The following UBE2V2 variants were observed in gnomAD, a reference collection of about 807,000 sequenced individuals.
UBE2V2 encodes the protein ubiquitin conjugating enzyme E2 V2, also known as ubiquitin-conjugating enzyme E2 variant 2.
A neutral mutation model predicts 17.2 loss-of-function variants in UBE2V2; 9 were observed. The observed-to-expected ratio is 0.52, with a 90% CI of 0.32 to 0.91. UBE2V2 has a LOEUF of 0.91. Ranked by LOEUF, UBE2V2 falls within the 40% of genes least tolerant of loss-of-function variation. The pLI is 0.04. For missense variants in UBE2V2, 133 were observed against 182.6 expected (o/e 0.73, Z 1.56); for synonymous variants, 61 against 57.5 (o/e 1.06, Z -0.28).
chr8:48,023,887 C>CA (rs1024109076), intron 1 of UBE2V2, among the ~76,000 whole-genome samples: 10 of 151,662 alleles, frequency 6.6e-5, no homozygotes, highest in African/African-American at 1.5e-4. Flanking sequence ...AAAAAACAAA[C>CA]AAAAAAAATC....
chr8:48,016,148 C>T (rs1028881694), intron 1 of UBE2V2, among the ~76,000 whole-genome samples: 5 of 152,142 alleles, frequency 3.3e-5, no homozygotes, highest in Admixed American at 6.6e-5. Context: ...CCATCTGCCT[C>T]GGCCTCCCAA....
rs896262993 is a variant in UBE2V2, at chr8:48,061,412, T to C, written c.*584T>C. The C allele has an allele frequency of 1.3e-5, 2 of 152,764 alleles. No homozygotes were observed. Among genetic ancestry groups the C allele is most frequent in the African/African-American group, 2.4e-5 (1 of 41,584 alleles). 9.5% of individuals were successfully genotyped at this position (152,764 alleles called of 1,614,324 possible). On this transcript the variant is annotated 3_prime_UTR_variant, in exon 4 of 4. Transcript: ENST00000523111. Reference sequence around the variant, plus strand: ...TTAAAAGCTGTTCTTGTGTGTTACATGTAACAGACATGGTAAATATTTGTT... The same window carrying C: ...TTAAAAGCTGTTCTTGTGTGTTACACGTAACAGACATGGTAAATATTTGTT...
At chr8:48,046,710 C>T (rs1196749797) in intron 2 of UBE2V2, among the ~76,000 whole-genome samples, 2 of 152,188 alleles carry the variant, frequency 1.3e-5, no homozygotes, top group African/African-American at 4.8e-5. Context: ...AATCCTCCCA[C>T]CTTAGCCTTC....
At chr8:48,033,276 T>G (rs2091396646) in intron 1 of UBE2V2, among the ~76,000 whole-genome samples, 2 of 151,992 alleles carry the variant, frequency 1.3e-5, no homozygotes. Context: ...AACCTCTGCC[T>G]CCCAGGTTCA....
intron 3 of UBE2V2, among the ~76,000 whole-genome samples, chr8:48,051,739 A>G (rs2091540065): frequency 6.6e-6 from 1 of 152,006 alleles, no homozygotes; most frequent in Non-Finnish European, 1.5e-5. Flanking sequence ...CCAACCTAAT[A>G]CGCAGGTCTG....
chr8:48,022,834 A>G (rs2091314884), intron 1 of UBE2V2, among the ~76,000 whole-genome samples: 1 of 151,336 alleles, frequency 6.6e-6, no homozygotes, highest in South Asian at 2.1e-4. Context: ...AAAGAGAGAC[A>G]AGGTCTGTTG....
At chr8:48,011,036 A>G (rs1376015982) in intron 1 of UBE2V2, among the ~76,000 whole-genome samples, 2 of 151,346 alleles carry the variant, frequency 1.3e-5, no homozygotes, top group Non-Finnish European at 2.9e-5. Flanking sequence ...CAGCCTATTA[A>G]TTAGTTTTAA....
chr8:48,035,631 T>TTTTGTGTG lies in UBE2V2; in HGVS notation c.17-7401_17-7400insTTGTGTGT, dbSNP rs1554657539. On this transcript the variant is annotated intron_variant, in intron 1 of 3. Transcript: ENST00000523111. ...TTTAAAAATTATTGTTTTTTTTTTT[T>TTTTGTGTG]TGTGTGTGTGTGTGTGTGTGTGTGT... Among the ~76,000 whole-genome samples, 22 of 109,538 alleles carry TTTTGTGTG rather than the reference T, an allele frequency of 2.0e-4. No homozygotes were observed. The South Asian group carries it at 4.9e-3, about 25-fold the overall frequency. 71.9% of individuals were successfully genotyped at this position (109,538 alleles called of 152,430 possible).
chr8:48,040,371 A>G (rs2065968105), intron 1 of UBE2V2, among the ~76,000 whole-genome samples: 1 of 152,100 alleles, frequency 6.6e-6, no homozygotes, highest in South Asian at 2.1e-4. Context: ...TTTCACCACT[A>G]CTGTTCTTTA....
At chr8:48,010,012 C>T (rs892718820) in intron 1 of UBE2V2, among the ~76,000 whole-genome samples, 4 of 152,074 alleles carry the variant, frequency 2.6e-5, no homozygotes, top group Non-Finnish European at 1.5e-5. Flanking sequence ...TAAAATAATG[C>T]ATTTTAATTT....
chr8:48,005,914 C>T (rs117701579), upstream of UBE2V2, among the ~76,000 whole-genome samples: 730 of 152,226 alleles, frequency 4.8e-3, 13 homozygotes, highest in East Asian at 0.064. Context: ...TATATATTGG[C>T]CCTTTGTCAG....
chr8:47,999,307 A>T, the UBE2V2 span, among the ~76,000 whole-genome samples: 2 of 151,940 alleles, frequency 1.3e-5, no homozygotes, highest in Admixed American at 6.6e-5. Flanking sequence ...TATCAAGTGG[A>T]CCATCCAGAG....
intron 2 of UBE2V2, among the ~76,000 whole-genome samples, chr8:48,048,908 A>C (rs1378800250): frequency 6.6e-6 from 1 of 151,980 alleles, no homozygotes; most frequent in Non-Finnish European, 1.5e-5. Flanking sequence ...TAGAAAATTT[A>C]AAGTTTCAAT....
chr8:48,000,391 C>T, the UBE2V2 span, among the ~76,000 whole-genome samples: 2 of 152,196 alleles, frequency 1.3e-5, no homozygotes, highest in African/African-American at 2.4e-5. Context: ...CTTGCCGAAG[C>T]GCCCTGTTGC....
the UBE2V2 span, among the ~76,000 whole-genome samples, chr8:48,002,835 G>C: frequency 2.6e-5 from 4 of 152,196 alleles, no homozygotes; most frequent in South Asian, 4.2e-4. Context: ...AATATGATAC[G>C]TATGGTAATG....
intron 1 of UBE2V2, among the ~76,000 whole-genome samples, chr8:48,010,060 AAC>A (rs746039537): frequency 2.0e-4 from 31 of 152,304 alleles, no homozygotes; most frequent in Middle Eastern, 3.4e-3. Context: ...TGCATTATTA[AAC>A]ACAATTTTTT....
At chr8:48,054,903 CT>C (rs911958883) in intron 3 of UBE2V2, among the ~76,000 whole-genome samples, 7 of 150,088 alleles carry the variant, frequency 4.7e-5, no homozygotes, top group Non-Finnish European at 7.4e-5. Context: ...CTCTCTTCAT[CT>C]TTTTTTTCTT....
rs900006284 is a variant in UBE2V2 at position 48,049,799 on chromosome 8, A to G, written c.166-54A>G. 9.3e-6 allele frequency: 14 copies of G among 1,501,092 alleles called. No individual in the cohort carries two copies. In the Admixed American group the frequency reaches 2.3e-4, roughly 25 times the overall value. 93.0% of individuals were successfully genotyped at this position (1,501,092 alleles called of 1,614,324 possible). A position where few individuals can be genotyped will look rare whatever the true frequency, so the allele number is the denominator to read the frequency against. Reference sequence around the variant, plus strand: ...CCTTTTTTTTTTTTAGCACTTAGACATTAATATTTTAGGTATTGTTATTTT... The same window carrying G: ...CCTTTTTTTTTTTTAGCACTTAGACGTTAATATTTTAGGTATTGTTATTTT... On this transcript the variant is annotated intron_variant, in intron 2 of 3. Coordinates refer to ENST00000523111, the MANE Select transcript of UBE2V2 (RefSeq NM_003350.3).
intron 2 of UBE2V2, among the ~76,000 whole-genome samples, chr8:48,047,355 G>A (rs1008029975): frequency 3.3e-5 from 5 of 152,132 alleles, no homozygotes; most frequent in Admixed American, 1.3e-4. Flanking sequence ...TGTCACTAGA[G>A]TTTAGTACTT....
Sources: gnomAD v4.1 joint callset for allele counts (sites outside exome capture counted in the v4.1 genomes callset) on GRCh38, gnomAD v4.1.1 for gene constraint, MANE v1.5 for transcripts, NCBI Gene and HGNC (gene_info 2026-07-23, HGNC 2026-07-21) for gene names.